ZNF385B: variants seen among roughly 807,000 people sequenced by gnomAD.
ZNF385B encodes the protein zinc finger protein 385B.
Under a neutral mutation model 39.2 loss-of-function variants are expected in ZNF385B, and 23 were observed. That is an observed-to-expected ratio of 0.59 (90% CI 0.42 to 0.83). The LOEUF (loss-of-function observed/expected upper bound fraction) is 0.83, where lower values mean the gene tolerates loss of function less well. ZNF385B is among the 40% of genes least tolerant of loss of function. ZNF385B has a pLI of 0.00. For synonymous variants in ZNF385B, 205 were observed against 222.6 expected, an observed-to-expected ratio of 0.92 and a Z score of 0.70; for missense variants, 552 against 598.9, an observed-to-expected ratio of 0.92 and a Z score of 0.82.
rs534839822 is a variant in ZNF385B at position 179,584,982 on chromosome 2, T to C, written c.299-40013A>G. Among the ~76,000 whole-genome samples, 41 of 152,206 alleles carry C rather than the reference T, an allele frequency of 2.7e-4. No homozygotes were observed. The South Asian group carries it at 8.1e-3, about 30-fold the overall frequency. On this transcript the variant is annotated intron_variant, in intron 3 of 9. Coordinates refer to ENST00000410066, the MANE Select transcript of ZNF385B (RefSeq NM_152520.6). ...AGCAAATGAGGAGAGTTTCATAACA[T>C]AGCATAAAGGTCAAGTAAGATGAGG...
At chr2:179,765,311 T>C in intron 3 of ZNF385B, among the ~76,000 whole-genome samples, 1 of 152,226 alleles carries the variant, frequency 6.6e-6, no homozygotes, top group African/African-American at 2.4e-5. Context: ...TTATGCTGCC[T>C]AGTACAAACT....
At chr2:179,664,393 T>C (rs1694886652) in intron 3 of ZNF385B, among the ~76,000 whole-genome samples, 1 of 152,198 alleles carries the variant, frequency 6.6e-6, no homozygotes, top group Admixed American at 6.5e-5. Context: ...GAGGAAAAAT[T>C]GTAGCCGAAT....
intron 3 of ZNF385B, among the ~76,000 whole-genome samples, chr2:179,603,940 T>G (rs1227346061): frequency 3.3e-5 from 5 of 152,174 alleles, no homozygotes. Flanking sequence ...ATTAGGATTT[T>G]CACAGACATT....
chr2:179,537,530 A>C (rs2059653229), intron 4 of ZNF385B, among the ~76,000 whole-genome samples: 1 of 152,016 alleles, frequency 6.6e-6, no homozygotes. Flanking sequence ...GCCTGAGCTC[A>C]GGAGTTCGAG....
chr2:179,531,478 A>G (rs1306857195), intron 4 of ZNF385B, among the ~76,000 whole-genome samples: 1 of 151,910 alleles, frequency 6.6e-6, no homozygotes, highest in Admixed American at 6.6e-5. Context: ...TCTAGTAAAA[A>G]TACAAAAATC....
At chr2:179,763,688 T>C (rs111236574) in intron 3 of ZNF385B, among the ~76,000 whole-genome samples, 166 of 152,358 alleles carry the variant, frequency 1.1e-3, no homozygotes, top group African/African-American at 3.8e-3. Context: ...TATTTTACTA[T>C]GTTGTGCTTT....
intron 3 of ZNF385B, among the ~76,000 whole-genome samples, chr2:179,701,804 C>A (rs1273750104): frequency 6.6e-6 from 1 of 152,118 alleles, no homozygotes; most frequent in Non-Finnish European, 1.5e-5. Flanking sequence ...GTTTTTAAAG[C>A]CAAAATTTGA....
At chr2:179,746,547 A>AT (rs1702395582) in intron 3 of ZNF385B, among the ~76,000 whole-genome samples, 1 of 152,190 alleles carries the variant, frequency 6.6e-6, no homozygotes, top group Non-Finnish European at 1.5e-5. Context: ...CATCAATTTT[A>AT]TTCTAAGATA....
intron 1 of ZNF385B, among the ~76,000 whole-genome samples, chr2:179,822,400 T>C (rs564596549): frequency 6.6e-6 from 1 of 152,258 alleles, no homozygotes; most frequent in African/African-American, 2.4e-5. Context: ...CAAAAATAAA[T>C]ACTACCATTT....
chr2:179,478,700 T>G (rs1204680607), intron 6 of ZNF385B, among the ~76,000 whole-genome samples: 5 of 152,202 alleles, frequency 3.3e-5, no homozygotes, highest in Non-Finnish European at 5.9e-5. Context: ...CATATTGATA[T>G]CTAATTAATT....
chr2:179,675,954 AT>A (rs994521597), intron 3 of ZNF385B, among the ~76,000 whole-genome samples: 1 of 150,680 alleles, frequency 6.6e-6, no homozygotes, highest in Non-Finnish European at 1.5e-5. Flanking sequence ...CACCCGGCTA[AT>A]TTTTTGTATT....
intron 4 of ZNF385B, 40 bp downstream of exon 4, chr2:179,544,787 T>C (rs1437426576): frequency 1.4e-5 from 23 of 1,611,772 alleles, no homozygotes; most frequent in Non-Finnish European, 2.0e-5. Context: ...ATGAAATTGA[T>C]GGAGGAGGAC....
chr2:179,572,030 G>A (rs1452618972), intron 3 of ZNF385B, among the ~76,000 whole-genome samples: 1 of 151,974 alleles, frequency 6.6e-6, no homozygotes, highest in Admixed American at 6.6e-5. Flanking sequence ...GCCTGGGAGT[G>A]GCCTCAGGGT....
At chr2:179,515,028 T>C (rs537389576) in intron 5 of ZNF385B, among the ~76,000 whole-genome samples, 1 of 152,316 alleles carries the variant, frequency 6.6e-6, no homozygotes, top group East Asian at 1.9e-4. Flanking sequence ...TCCACCCGCC[T>C]CGGCCTTCCA....
chr2:179,446,195 T>C (rs1362104890), intron 7 of ZNF385B, among the ~76,000 whole-genome samples: 1 of 152,206 alleles, frequency 6.6e-6, no homozygotes, highest in East Asian at 1.9e-4. Flanking sequence ...CTTTAGGTTG[T>C]TTCCATTTTT....
At chr2:179,536,457 C>T (rs573180361) in intron 4 of ZNF385B, 13 of 152,266 alleles carry the variant, frequency 8.5e-5, no homozygotes, top group Middle Eastern at 3.4e-3. Context: ...GACATTGGGA[C>T]TAGGATAAAG....
intron 5 of ZNF385B, among the ~76,000 whole-genome samples, chr2:179,488,253 C>T (rs899745807): frequency 6.6e-6 from 1 of 151,968 alleles, no homozygotes; most frequent in Non-Finnish European, 1.5e-5. Context: ...CAAGTGATTC[C>T]CCTGCTTCAG....
rs12989817 is a variant in ZNF385B at position 179,807,929 on chromosome 2, A to G, written c.-154-37257T>C. ...AAGAAAGAAAGAAAGAAAGAAAGAA[A>G]GAAGGAAGGAAGGAAGGAAGGAAAG... On this transcript the variant is annotated intron_variant, in intron 1 of 9. Coordinates refer to ENST00000410066, the MANE Select transcript of ZNF385B (RefSeq NM_152520.6). 9.8e-3 allele frequency among the ~76,000 whole-genome samples: 1,146 copies of G among 116,356 alleles called. 16 individuals are homozygous for G. Among genetic ancestry groups the G allele is most frequent in the African/African-American group, 0.029 (984 of 34,194 alleles). 76.3% of individuals were successfully genotyped at this position (116,356 alleles called of 152,430 possible). A position where few individuals can be genotyped will look rare whatever the true frequency, so the allele number is the denominator to read the frequency against.
intron 3 of ZNF385B, among the ~76,000 whole-genome samples, chr2:179,708,467 G>A (rs1456662619): frequency 2.0e-5 from 3 of 152,178 alleles, no homozygotes; most frequent in Non-Finnish European, 4.4e-5. Flanking sequence ...TCTCACACAT[G>A]GTGACCTTCA....
Sources: allele counts gnomAD v4.1 joint callset (sites outside exome capture counted in the v4.1 genomes callset), GRCh38; gene constraint gnomAD v4.1.1; transcripts MANE v1.5; gene names NCBI Gene and HGNC (gene_info 2026-07-23, HGNC 2026-07-21).